The following TOM1L1 variants were observed in gnomAD, a reference collection of about 807,000 sequenced individuals.
TOM1L1 encodes TOM1-like protein 1.
In TOM1L1, 64 loss-of-function variants were observed where a neutral mutation model predicts 63.4. The observed-to-expected ratio is 1.01, with a 90% CI of 0.83 to 1.24. The LOEUF (loss-of-function observed/expected upper bound fraction) is 1.24. Among genes scored for constraint, TOM1L1 ranks in the 50% most tolerant of loss-of-function variants. The pLI is 0.00. For synonymous variants in TOM1L1, 166 were observed against 194.4 expected, an observed-to-expected ratio of 0.85 and a Z score of 1.22; for missense variants, 536 against 567.0, an observed-to-expected ratio of 0.95 and a Z score of 0.55.
At chr17:54,916,151 C>T in intron 7 of TOM1L1, 1 of 412,708 alleles carries the variant, frequency 2.4e-6, no homozygotes, top group East Asian at 3.6e-5. Context: ...AAAATTGCCT[C>T]TATTTTCATC....
At chr17:54,949,656 G>A (rs749154821) in intron 13 of TOM1L1, 33 bp downstream of exon 13, 1 of 1,519,048 alleles carries the variant, frequency 6.6e-7, no homozygotes, top group Admixed American at 1.7e-5. Flanking sequence ...CATCAAATAA[G>A]GAAACTTATG....
At chr17:54,932,084 G>A (rs901661129) in intron 8 of TOM1L1, among the ~76,000 whole-genome samples, 1 of 151,842 alleles carries the variant, frequency 6.6e-6, no homozygotes, top group Non-Finnish European at 1.5e-5. Context: ...CCTGTAGCAG[G>A]ACGAGCCGCA....
chr17:54,906,227 G>A lies in TOM1L1; in HGVS notation c.222+660G>A, dbSNP rs139283019. ...CTCACACCTGTAATCCCAGCACTTCGGGAGGCCGAGGCAGGTGGATCACCT... is the reference window on the plus strand; with the variant it reads ...CTCACACCTGTAATCCCAGCACTTCAGGAGGCCGAGGCAGGTGGATCACCT... On this transcript the variant is annotated intron_variant, in intron 3 of 15. Coordinates refer to ENST00000575882, the MANE Select transcript of TOM1L1 (RefSeq NM_005486.3). Among the ~76,000 whole-genome samples, 808 of 152,252 alleles carry A rather than the reference G, an allele frequency of 5.3e-3. 7 individuals carry two copies. The highest frequency in any genetic ancestry group is 0.018 in the African/African-American group (754 of 41,550).
chr17:54,917,439 C>A (rs1220412638), intron 7 of TOM1L1: 1 of 152,124 alleles, frequency 6.6e-6, no homozygotes, highest in East Asian at 1.9e-4. Context: ...TCAACAATTT[C>A]TTTCTATTAA....
chr17:54,935,281 G>A (rs1020428934), intron 8 of TOM1L1, among the ~76,000 whole-genome samples: 3 of 152,112 alleles, frequency 2.0e-5, no homozygotes, highest in Non-Finnish European at 4.4e-5. Context: ...GAGTCACAAA[G>A]TGTTCAGTGG....
intron 15 of TOM1L1, chr17:54,960,996 C>T (rs2077106848): frequency 1.8e-6 from 1 of 558,358 alleles, no homozygotes. Context: ...CCAAATAGGT[C>T]TGAATTTTTC....
intron 10 of TOM1L1, 102 bp from the exon 11 acceptor site, chr17:54,938,822 T>C: frequency 1.6e-6 from 1 of 628,100 alleles, no homozygotes; most frequent in East Asian, 3.0e-5. Flanking sequence ...TTCTTTTTTT[T>C]TTCTTTTTCT....
chr17:54,957,965 T>C (rs772423383), intron 14 of TOM1L1: 1 of 152,218 alleles, frequency 6.6e-6, no homozygotes, highest in Admixed American at 6.5e-5. Flanking sequence ...ACTTGAAAGT[T>C]TGTAACAGAA....
chr17:54,938,955 C>CTG lies in TOM1L1; in HGVS notation c.1065_1066insTG (p.Asn356Ter). ...GCCTTCCAAGTTCTGATGTAACAAA[C>CTG]AACTTAAAACCCAGTCTTCATCCAC... On this transcript the variant is annotated frameshift_variant, in exon 11 of 16. Coordinates refer to ENST00000575882, the MANE Select transcript of TOM1L1 (RefSeq NM_005486.3). LOFTEE classifies it high-confidence loss of function. 1 of 1,610,982 alleles carries CTG rather than the reference C, an allele frequency of 6.2e-7. No individual in the cohort carries two copies. The highest frequency in any genetic ancestry group is 8.5e-7 in the Non-Finnish European group (1 of 1,178,632).
chr17:54,922,237 G>T (rs1189628745), intron 7 of TOM1L1, among the ~76,000 whole-genome samples: 1 of 151,920 alleles, frequency 6.6e-6, no homozygotes, highest in Non-Finnish European at 1.5e-5. Flanking sequence ...AGCTTGCAGT[G>T]AGCCGAGATC....
chr17:54,943,533 GTTA>G (rs1461657128), intron 11 of TOM1L1, among the ~76,000 whole-genome samples: 2 of 147,964 alleles, frequency 1.4e-5, no homozygotes, highest in Non-Finnish European at 3.0e-5. Context: ...TTCTTTTCCT[GTTA>G]TTTTGCTAAT....
rs111975385 is a variant in TOM1L1 at position 54,913,598 on chromosome 17, G to A, written c.373-150G>A. On this transcript the variant is annotated intron_variant, in intron 4 of 15. Coordinates refer to ENST00000575882, the MANE Select transcript of TOM1L1 (RefSeq NM_005486.3). ...GGAGAATCGCTTGAACCCAGGAGGC[G>A]GAGATTGCAATGAGCAGAGATTGTG... 447 of 763,768 alleles carry A rather than the reference G, an allele frequency of 5.9e-4. No individual in the cohort carries two copies. The African/African-American group carries it at 6.4e-3, about 11-fold the overall frequency. The allele number at this position is 763,768 out of a possible 1,614,324, so 47.3% of individuals were successfully genotyped here. A position where few individuals can be genotyped will look rare whatever the true frequency, so the allele number is the denominator to read the frequency against.
At chr17:54,933,661 G>A (rs1367197548) in intron 8 of TOM1L1, among the ~76,000 whole-genome samples, 1 of 152,046 alleles carries the variant, frequency 6.6e-6, no homozygotes, top group East Asian at 1.9e-4. Context: ...TAGCTGGGAC[G>A]ACAAGCGTGT....
At chr17:54,940,002 G>GGAGTAGCTGGAACCTCCT (rs907581078) in intron 11 of TOM1L1, among the ~76,000 whole-genome samples, 1 of 152,092 alleles carries the variant, frequency 6.6e-6, no homozygotes, top group African/African-American at 2.4e-5. Flanking sequence ...AAAACCTGAT[G>GGAGTAGCTGGAACCTCCT]GAGTAGCTGG....
At chr17:54,905,849 G>A (rs1257180725) in intron 3 of TOM1L1, among the ~76,000 whole-genome samples, 2 of 152,164 alleles carry the variant, frequency 1.3e-5, no homozygotes, top group African/African-American at 4.8e-5. Flanking sequence ...TGGTTAACAT[G>A]TATTACACAT....
intron 8 of TOM1L1, among the ~76,000 whole-genome samples, chr17:54,932,237 G>A (rs749830843): frequency 2.0e-5 from 3 of 152,188 alleles, no homozygotes; most frequent in African/African-American, 2.4e-5. Context: ...AAGGGGGTGC[G>A]TGTGAGAGGG....
intron 14 of TOM1L1, among the ~76,000 whole-genome samples, chr17:54,956,509 C>T (rs1245804221): frequency 7.2e-5 from 11 of 152,000 alleles, no homozygotes; most frequent in East Asian, 1.9e-4. Context: ...GGTTTTGCCA[C>T]GTTGCCCAGG....
rs1234557885 is a variant in TOM1L1, at chr17:54,937,218, C to T, written c.1025C>T (p.Ser342Leu). ...CTCAACACCATGAATAATCAACTTTCAGGCTTAAGTAAATAAACACTCAGG... is the reference window on the plus strand; with the variant it reads ...CTCAACACCATGAATAATCAACTTTTAGGCTTAAGTAAATAAACACTCAGG... ...GELNTMNNQLSGLNFSLPSSD... is the reference protein window; with the variant it reads ...GELNTMNNQLLGLNFSLPSSD... The change falls in exon 10 of 16, where the codon TCA (serine) becomes TTA (leucine). Residue 342 changes from serine to leucine, a missense_variant. By Grantham distance (145) the Ser-to-Leu change is moderately radical. Transcript: ENST00000575882. 6.2e-7 allele frequency: 1 copy of T among 1,610,394 alleles called. No homozygotes were observed. Among genetic ancestry groups the T allele is most frequent in the Non-Finnish European group, 8.5e-7 (1 of 1,176,878 alleles).
chr17:54,913,969 G>A (rs1440784039), intron 5 of TOM1L1, 96 bp downstream of exon 5: 1 of 1,360,186 alleles, frequency 7.4e-7, no homozygotes, highest in Non-Finnish European at 9.8e-7. Flanking sequence ...CCCAGCTTAA[G>A]CAAAAAGATG....
Sources: allele counts gnomAD v4.1 joint callset (sites outside exome capture counted in the v4.1 genomes callset), GRCh38; gene constraint gnomAD v4.1.1; transcripts MANE v1.5; gene names NCBI Gene and HGNC (gene_info 2026-07-23, HGNC 2026-07-21).